WBP2NL: variants seen among roughly 807,000 people sequenced by gnomAD.
The protein encoded by WBP2NL is postacrosomal sheath WW domain-binding protein.
Under a neutral mutation model 23.3 loss-of-function variants are expected in WBP2NL, and 27 were observed. That is an observed-to-expected ratio of 1.16 (90% CI 0.85 to 1.60). The LOEUF (loss-of-function observed/expected upper bound fraction) is 1.60, where lower values mean the gene tolerates loss of function less well. Among genes scored for constraint, WBP2NL ranks in the 40% most tolerant of loss-of-function variants. The probability of loss-of-function intolerance (pLI) is 0.00; values close to 1 mark genes in which losing one functional copy is unlikely to be tolerated. For missense variants in WBP2NL, 370 were observed against 389.5 expected (o/e 0.95, Z 0.42); for synonymous variants, 151 against 145.9 (o/e 1.03, Z -0.25).
intron 8 of WBP2NL, among the ~76,000 whole-genome samples, chr22:42,043,875 T>C (rs572491729): frequency 1.2e-4 from 18 of 152,248 alleles, no homozygotes; most frequent in African/African-American, 4.3e-4. Context: ...TATAGGGAAC[T>C]GCCATCATAC....
At chr22:42,046,770 TAAA>T (rs1925603878) in intron 8 of WBP2NL, among the ~76,000 whole-genome samples, 2 of 151,976 alleles carry the variant, frequency 1.3e-5, no homozygotes, top group African/African-American at 4.9e-5. Context: ...TAATGATGGA[TAAA>T]CTTGCTGGTG....
chr22:42,052,901 T>C (rs754415635), intron 8 of WBP2NL, among the ~76,000 whole-genome samples: 8 of 152,220 alleles, frequency 5.3e-5, no homozygotes, highest in African/African-American at 1.9e-4. Context: ...CCATGTGTTA[T>C]TTGTACAGAA....
Position 42,019,186 on chromosome 22 carries a change from A to T in WBP2NL, c.63-125A>T, listed in dbSNP as rs1041047196. 2.2e-5 allele frequency: 17 copies of T among 772,956 alleles called. No individual in the cohort carries two copies. In the South Asian group the frequency reaches 3.2e-4, roughly 14 times the overall value. 47.9% of individuals were successfully genotyped at this position (772,956 alleles called of 1,614,324 possible). A position where few individuals can be genotyped will look rare whatever the true frequency, so the allele number is the denominator to read the frequency against. On this transcript the variant is annotated intron_variant, in intron 1 of 5. Coordinates refer to ENST00000328823, the MANE Select transcript of WBP2NL (RefSeq NM_152613.3). ...CAGTGAGGTGAAATCGTGCCACTGC[A>T]CTCCCGCCTGGGCAACAGAGTAAGA...
rs991367120 is a variant in WBP2NL, at chr22:42,053,660, A to G, written c.*274-4630A>G. ...TTTTTAGTAGAGACAGGGTTTTACT[A>G]TGTTGGCCAGGCTGGTCTCGAACTC... On this transcript the variant is annotated intron_variant and NMD_transcript_variant, in intron 8 of 8. Transcript: ENST00000436265. 3.9e-5 allele frequency among the ~76,000 whole-genome samples: 6 copies of G among 152,014 alleles called. No individual in the cohort carries two copies. In the East Asian group the frequency reaches 7.8e-4, roughly 20 times the overall value.
At chr22:42,019,603 A>G in intron 2 of WBP2NL, 59 bp from the exon 3 acceptor site, 4 of 1,605,096 alleles carry the variant, frequency 2.5e-6, no homozygotes, top group Non-Finnish European at 3.4e-6. Context: ...TTGCTCTTGT[A>G]AGTCTCAATC....
rs1401702647 is a variant in WBP2NL, at chr22:42,026,755, A to G, written c.515-11A>G. 1.2e-6 allele frequency: 2 copies of G among 1,604,992 alleles called. No individual in the cohort carries two copies. The highest frequency in any genetic ancestry group is 1.7e-6 in the Non-Finnish European group (2 of 1,175,862). On this transcript the variant is annotated splice_polypyrimidine_tract_variant and intron_variant, in intron 5 of 5. Transcript: ENST00000328823. ...GTAACTGAATTTTTTTCCTTCCATT[A>G]TAATTCCCAGTTATTGTCTATGGAG... is the stretch of plus-strand genomic sequence containing the variant.
chr22:42,051,465 A>G (rs1925835610), intron 8 of WBP2NL, among the ~76,000 whole-genome samples: 1 of 152,262 alleles, frequency 6.6e-6, no homozygotes, highest in South Asian at 2.1e-4. Context: ...CAGTGAATGT[A>G]CAGCATAAAG....
chr22:42,034,221 A>G (rs1332282371), downstream of WBP2NL, among the ~76,000 whole-genome samples: 2 of 152,228 alleles, frequency 1.3e-5, no homozygotes, highest in African/African-American at 4.8e-5. Flanking sequence ...CTGCAAGGGC[A>G]AGGGGGTATC....
At chr22:42,012,677 A>T (rs1026752127) in intron 1 of WBP2NL, among the ~76,000 whole-genome samples, 1 of 152,088 alleles carries the variant, frequency 6.6e-6, no homozygotes, top group Non-Finnish European at 1.5e-5. Context: ...TTTGCCACTC[A>T]TAGAATTCTT....
chr22:42,041,508 T>C (rs565547375), intron 8 of WBP2NL, among the ~76,000 whole-genome samples: 1 of 143,272 alleles, frequency 7.0e-6, no homozygotes, highest in East Asian at 1.9e-4. Flanking sequence ...AAAAAAAGTC[T>C]GTTTTGTCTG....
chr22:42,044,752 C>T (rs1316368340), intron 8 of WBP2NL, among the ~76,000 whole-genome samples: 1 of 152,124 alleles, frequency 6.6e-6, no homozygotes, highest in African/African-American at 2.4e-5. Context: ...CTGCAGTGGG[C>T]CATGTTCATG....
chr22:42,048,628 T>C (rs1410954438), intron 8 of WBP2NL, among the ~76,000 whole-genome samples: 1 of 151,082 alleles, frequency 6.6e-6, no homozygotes, highest in South Asian at 2.1e-4. Flanking sequence ...TGGTGGCGGG[T>C]GCCTGTGGTC....
Position 42,027,117 on chromosome 22 carries a change from C to T in WBP2NL, c.866C>T (p.Ala289Val). 1 of 1,614,256 alleles carries T rather than the reference C, an allele frequency of 6.2e-7. No individual in the cohort carries two copies. ...GGAGCCAGGCCTCAGGAATCTACAG[C>T]AGCCCAGGCTCCTGAAAACGAGGCT... ...GSGARPQEST[A>V]AQAPENEASL... Residue 289 changes from alanine (A) to valine (V), a missense_variant, in exon 6 of 6, where the codon GCA (alanine) becomes GTA (valine). Ala to Val is a moderately conservative substitution (Grantham distance 64, BLOSUM62 0). Coordinates refer to ENST00000328823, the MANE Select transcript of WBP2NL (RefSeq NM_152613.3).
chr22:42,012,266 T>C (rs949031669), intron 1 of WBP2NL, among the ~76,000 whole-genome samples: 1 of 152,144 alleles, frequency 6.6e-6, no homozygotes, highest in Non-Finnish European at 1.5e-5. Flanking sequence ...TTGGGCTTCA[T>C]TTGTTTTTCT....
intron 8 of WBP2NL, among the ~76,000 whole-genome samples, chr22:42,041,266 G>A (rs1925389659): frequency 6.6e-6 from 1 of 151,998 alleles, no homozygotes. Flanking sequence ...GGCAGATCAC[G>A]AGGTCAAGAG....
At chr22:42,006,915 G>A (rs770721426) in intron 1 of WBP2NL, among the ~76,000 whole-genome samples, 2 of 152,100 alleles carry the variant, frequency 1.3e-5, no homozygotes, top group Non-Finnish European at 1.5e-5. Flanking sequence ...TCATTGAGTT[G>A]TTTTATTTTA....
intron 5 of WBP2NL, among the ~76,000 whole-genome samples, chr22:42,025,755 T>G (rs1281727376): frequency 1.3e-5 from 2 of 152,200 alleles, no homozygotes; most frequent in African/African-American, 2.4e-5. Context: ...CAAAATAACT[T>G]TACAGCTGTC....
At chr22:42,000,284 A>G (rs1293455697) in intron 1 of WBP2NL, among the ~76,000 whole-genome samples, 1 of 152,120 alleles carries the variant, frequency 6.6e-6, no homozygotes, top group East Asian at 1.9e-4. Context: ...GTATGTTCTC[A>G]CCTGCTTCCT....
chr22:42,020,852 ATGTGTG>A (rs59473793), intron 4 of WBP2NL, among the ~76,000 whole-genome samples: 222 of 19,864 alleles, frequency 0.011, 4 homozygotes, highest in African/African-American at 0.028. Context: ...TATCTCATAT[ATGTGTG>A]TGTGTGTGTG....
Sources: allele counts gnomAD v4.1 joint callset (sites outside exome capture counted in the v4.1 genomes callset), GRCh38; gene constraint gnomAD v4.1.1; transcripts MANE v1.5; gene names NCBI Gene and HGNC (gene_info 2026-07-23, HGNC 2026-07-21).